Variants in TLR9 observed in about 807,000 individuals in gnomAD.
TLR9 encodes the protein toll like receptor 9.
In TLR9, 19 loss-of-function variants were observed where a neutral mutation model predicts 24.6. The ratio of observed to expected loss-of-function variants is 0.77; its 90% CI spans 0.54 to 1.13. TLR9 has a LOEUF of 1.13. Among genes scored for constraint, TLR9 ranks in the 50% most tolerant of loss-of-function variants. The pLI is 0.00. For synonymous variants in TLR9, 579 were observed against 609.8 expected, an observed-to-expected ratio of 0.95 and a Z score of 0.74; for missense variants, 1,065 against 1,379.6, an observed-to-expected ratio of 0.77 and a Z score of 3.61.
intron 1 of TLR9, among the ~76,000 whole-genome samples, chr3:52,224,625 C>G (rs914546127): frequency 6.6e-6 from 1 of 152,138 alleles, no homozygotes; most frequent in Non-Finnish European, 1.5e-5. Flanking sequence ...CCCACGGCCC[C>G]CCCTGGTCTC....
rs202108674 is a variant in TLR9, at chr3:52,224,277, G to C, written c.39C>G (p.Leu13=). 16 of 1,607,582 alleles carry C rather than the reference G, an allele frequency of 1.0e-5. No homozygotes were observed. Among genetic ancestry groups the C allele is most frequent in the Non-Finnish European group, 1.3e-5 (15 of 1,177,000 alleles). Residue 13 remains leucine (L), a synonymous_variant, in exon 2 of 2, where the codon CTC becomes CTG. Coordinates refer to ENST00000360658, the MANE Select transcript of TLR9 (RefSeq NM_017442.4). ...TGGCCAGCATGATGGCCTGCACCAG[G>C]AGAGACAGCGGGTGCAGGGCGCTGC... ...FCRSALHPLS[L]LVQAIMLAMT...
Position 52,225,624 on chromosome 3 carries a change from G to C in TLR9, c.-95C>G. ...TCACACTCGAGGTCCCTTCCCACAG[G>C]GGCAGCAGCGGCTCAGAGAATAGAG... On this transcript the variant is annotated 5_prime_UTR_variant, in exon 1 of 2. Transcript: ENST00000360658. 6.6e-7 allele frequency: 1 copy of C among 1,526,310 alleles called. No individual in the cohort carries two copies. Among genetic ancestry groups the C allele is most frequent in the South Asian group, 1.2e-5 (1 of 85,058 alleles). 94.5% of individuals were successfully genotyped at this position (1,526,310 alleles called of 1,614,324 possible). A position where few individuals can be genotyped will look rare whatever the true frequency, so the allele number is the denominator to read the frequency against.
chr3:52,225,439 C>G, intron 1 of TLR9, 88 bp downstream of exon 1: 1 of 1,576,692 alleles, frequency 6.3e-7, no homozygotes, highest in South Asian at 1.1e-5. Flanking sequence ...CAACCCGTCA[C>G]TGTTGCTTGC....
chr3:52,224,711 C>G (rs1037343604), intron 1 of TLR9, among the ~76,000 whole-genome samples: 2 of 152,200 alleles, frequency 1.3e-5, no homozygotes, highest in African/African-American at 4.8e-5. Flanking sequence ...GAAATCCGCT[C>G]TCTGCCCTCC....
chr3:52,221,504 C>G lies in TLR9; in HGVS notation c.2812G>C (p.Ala938Pro). 1 of 1,613,068 alleles carries G rather than the reference C, an allele frequency of 6.2e-7. No homozygotes were observed. Among genetic ancestry groups the G allele is most frequent in the Admixed American group, 1.7e-5 (1 of 60,028 alleles). ...AGACCACTGACCCGGTCCGTGTGGG[C>G]CAGCACAAACAGCGTCTTGCGGCTG... is the stretch of plus-strand genomic sequence containing the variant. ...YGSRKTLFVLAHTDRVSGLLR... is the reference protein window; with the variant it reads ...YGSRKTLFVLPHTDRVSGLLR... The change falls in exon 2 of 2, where the codon GCC (alanine) becomes CCC (proline). Residue 938 changes from alanine to proline, a missense_variant. Coordinates refer to ENST00000360658, the MANE Select transcript of TLR9 (RefSeq NM_017442.4). The surrounding 1 kb of genome is among the most constrained non-coding windows in gnomAD (Gnocchi z 9.9).
chr3:52,225,586 A>T lies in TLR9; in HGVS notation c.-57T>A. 1 of 1,571,348 alleles carries T rather than the reference A, an allele frequency of 6.4e-7. No individual in the cohort carries two copies. Among genetic ancestry groups the T allele is most frequent in the Non-Finnish European group, 8.6e-7 (1 of 1,165,070 alleles). ...GGCGGGCAGACTGGACAGCAGCTACAGGGAAGGATGCTTCACACTCGAGGT... is the reference window on the plus strand; with the variant it reads ...GGCGGGCAGACTGGACAGCAGCTACTGGGAAGGATGCTTCACACTCGAGGT... On this transcript the variant is annotated 5_prime_UTR_variant, in exon 1 of 2. Coordinates refer to ENST00000360658, the MANE Select transcript of TLR9 (RefSeq NM_017442.4).
In TLR9 at chr3:52,223,655, T is replaced by G. The variant is rs769795689; in HGVS notation, c.661A>C (p.Ser221Arg). 1 of 1,591,208 alleles carries G rather than the reference T, an allele frequency of 6.3e-7. No individual in the cohort carries two copies. The highest frequency in any genetic ancestry group is 2.2e-5 in the East Asian group (1 of 44,650). The change falls in exon 2 of 2, where the codon AGC (serine) becomes CGC (arginine). Residue 221 changes from serine to arginine, a missense_variant. By Grantham distance (110) the Ser-to-Arg change is moderately radical (BLOSUM62 -1). Coordinates refer to ENST00000360658, the MANE Select transcript of TLR9 (RefSeq NM_017442.4). The stretch of plus-strand genomic sequence containing the variant: ...TAGGACAACAGCAGATACTCCAGGC[T>G]GGAAGGCAGGTTGCGGGGCACCACA... ...LTVVPRNLPSSLEYLLLSYNR... is the reference protein window; with the variant it reads ...LTVVPRNLPSRLEYLLLSYNR...
In TLR9 at chr3:52,222,001, TC is replaced by T; in HGVS notation, c.2314del (p.Asp772ThrfsTer17). 1 of 1,607,860 alleles carries T rather than the reference TC, an allele frequency of 6.2e-7. No homozygotes were observed. The highest frequency in any genetic ancestry group is 8.5e-7 in the Non-Finnish European group (1 of 1,176,954). ...LHCACGAAFM[D>X]FLLEVQAAVP... ...GGCAGCCTGCACCTCCAGCAGGAAG[TC>T]CATAAAGGCCGCCCCACAGGCGCAG... On this transcript the variant is annotated frameshift_variant, in exon 2 of 2. Coordinates refer to ENST00000360658, the MANE Select transcript of TLR9 (RefSeq NM_017442.4). LOFTEE classifies it high-confidence loss of function.
rs774632252 is a variant in TLR9 at position 52,223,591 on chromosome 3, T to A, written c.725A>T (p.Asn242Ile). ...ATCGAGCACACGCAGGGCGGTCAGATTGGCCAGGTCCTCAGGCGCCAGTTT... is the reference window on the plus strand; with the variant it reads ...ATCGAGCACACGCAGGGCGGTCAGAATGGCCAGGTCCTCAGGCGCCAGTTT... ...IVKLAPEDLA[N>I]LTALRVLDVG... Residue 242 changes from asparagine (N) to isoleucine (I), a missense_variant, in exon 2 of 2, where the codon AAT (asparagine) becomes ATT (isoleucine). Asn to Ile is a moderately radical substitution (Grantham distance 149, BLOSUM62 -3). Transcript: ENST00000360658. 6.5e-7 allele frequency: 1 copy of A among 1,541,844 alleles called. No homozygotes were observed. Among genetic ancestry groups the A allele is most frequent in the South Asian group, 1.3e-5 (1 of 78,904 alleles).
rs148303873 is a variant in TLR9 at position 52,221,731 on chromosome 3, C to T, written c.2585G>A (p.Gly862Glu). ...AWLPWRGRQSGRDEDALPYDA... is the reference protein window; with the variant it reads ...AWLPWRGRQSERDEDALPYDA... ...GTAGGGCAGGGCATCCTCATCTCGCCCACTTTGCCGCCCCCGCCAGGGAAG... is the reference window on the plus strand; with the variant it reads ...GTAGGGCAGGGCATCCTCATCTCGCTCACTTTGCCGCCCCCGCCAGGGAAG... The change falls in exon 2 of 2, where the codon GGG (glycine) becomes GAG (glutamate). Residue 862 changes from glycine (G) to glutamate (E), a missense_variant. By Grantham distance (98) the Gly-to-Glu change is moderately conservative (BLOSUM62 -2). Coordinates refer to ENST00000360658, the MANE Select transcript of TLR9 (RefSeq NM_017442.4). The surrounding 1 kb of genome is among the most constrained non-coding windows in gnomAD (Gnocchi z 9.9). 393 of 1,613,942 alleles carry T rather than the reference C, an allele frequency of 2.4e-4. No individual in the cohort carries two copies. The African/African-American group carries it at 3.9e-3, about 16-fold the overall frequency.
In TLR9 at chr3:52,222,938, T is replaced by C. The variant is rs1699577999; in HGVS notation, c.1378A>G (p.Thr460Ala). 6.3e-7 allele frequency: 1 copy of C among 1,599,672 alleles called. No individual in the cohort carries two copies. Among genetic ancestry groups the C allele is most frequent in the Non-Finnish European group, 8.5e-7 (1 of 1,170,064 alleles). Residue 460 changes from threonine (T) to alanine (A), a missense_variant, in exon 2 of 2, where the codon ACT becomes GCT. Coordinates refer to ENST00000360658, the MANE Select transcript of TLR9 (RefSeq NM_017442.4). The stretch of plus-strand genomic sequence containing the variant: ...GGCCTGAAGTCTTCAGAGCTGGGAG[T>C]GTCCACTGGGGCCGGAGCAAGGTCC... ...PGDLAPAPVD[T>A]PSSEDFRPNC...
At position 52,222,899 on chromosome 3, in the gene TLR9, G is replaced by A. The variant is rs200116400; in HGVS notation, c.1417C>T (p.Leu473Phe). The A allele has an allele frequency of 1.4e-5, 22 of 1,605,200 alleles. No individual in the cohort carries two copies. Among genetic ancestry groups the A allele is most frequent in the Non-Finnish European group, 1.9e-5 (22 of 1,173,226 alleles). Residue 473 changes from leucine (L) to phenylalanine (F), a missense_variant, in exon 2 of 2, where the codon CTC becomes TTC. Leu to Phe is a conservative substitution (Grantham distance 22). Coordinates refer to ENST00000360658, the MANE Select transcript of TLR9 (RefSeq NM_017442.4). ...CGTGACAGATCCAAGGTGAAGTTGA[G>A]GGTGCTGCAGTTGGGCCTGAAGTCT... ...SEDFRPNCST[L>F]NFTLDLSRNN...
rs1170070400 is a variant in TLR9, at chr3:52,222,354, G to A, written c.1962C>T (p.Ser654=). 6.2e-7 allele frequency: 1 copy of A among 1,614,232 alleles called. No homozygotes were observed. The highest frequency in any genetic ancestry group is 1.1e-5 in the South Asian group (1 of 91,090). Residue 654 remains serine, a synonymous_variant, in exon 2 of 2, where the codon AGC becomes AGT. Coordinates refer to ENST00000360658, the MANE Select transcript of TLR9 (RefSeq NM_017442.4). ...LPQTLRNLPK[S]LQVLRLRDNY... ...TGTCACGGAGACGCAGCACCTGTAGGCTCTTGGGGAGGTTGCGCAGGGTTT... is the reference window on the plus strand; with the variant it reads ...TGTCACGGAGACGCAGCACCTGTAGACTCTTGGGGAGGTTGCGCAGGGTTT...
rs560005966 is a variant in TLR9, at chr3:52,225,607, G to C, written c.-78C>G. 2 of 1,564,476 alleles carry C rather than the reference G, an allele frequency of 1.3e-6. No homozygotes were observed. Among genetic ancestry groups the C allele is most frequent in the Non-Finnish European group, 1.7e-6 (2 of 1,157,348 alleles). ...CTACAGGGAAGGATGCTTCACACTC[G>C]AGGTCCCTTCCCACAGGGGCAGCAG... On this transcript the variant is annotated 5_prime_UTR_variant, in exon 1 of 2. Coordinates refer to ENST00000360658, the MANE Select transcript of TLR9 (RefSeq NM_017442.4).
In TLR9 at chr3:52,221,246, T is replaced by C; in HGVS notation, c.3070A>G (p.Asn1024Asp). ...TRDNHHFYNR[N>D]FCQGPTAE is the part of the protein sequence containing the mutation. Reference sequence around the variant, plus strand: ...TCGGCCGTGGGTCCCTGGCAGAAGTTCCGGTTATAGAAGTGGTGGTTGTCC... The same window carrying C: ...TCGGCCGTGGGTCCCTGGCAGAAGTCCCGGTTATAGAAGTGGTGGTTGTCC... Residue 1024 changes from asparagine (N) to aspartate (D), a missense_variant, in exon 2 of 2, where the codon AAC becomes GAC. Coordinates refer to ENST00000360658, the MANE Select transcript of TLR9 (RefSeq NM_017442.4). This position sits in a 1 kb window ranked among gnomAD's most constrained non-coding sequence, Gnocchi z 9.9. The C allele has an allele frequency of 1.3e-6, 2 of 1,513,704 alleles. No homozygotes were observed. The highest frequency in any genetic ancestry group is 1.8e-6 in the Non-Finnish European group (2 of 1,131,474). 93.8% of individuals were successfully genotyped at this position (1,513,704 alleles called of 1,614,324 possible).
intron 1 of TLR9, among the ~76,000 whole-genome samples, 179 bp downstream of exon 1, chr3:52,225,343 CAAAAA>C (rs981581476): frequency 9.8e-6 from 1 of 101,712 alleles, no homozygotes. Flanking sequence ...AACTCCGTCT[CAAAAA>C]AAAAAAAAAA....
In TLR9 at chr3:52,224,054, T is replaced by G. The variant is rs759389903; in HGVS notation, c.262A>C (p.Ser88Arg). 4 of 1,573,066 alleles carry G rather than the reference T, an allele frequency of 2.5e-6. No individual in the cohort carries two copies. The change falls in exon 2 of 2, where the codon AGC (serine) becomes CGC (arginine). Residue 88 changes from serine (S) to arginine (R), a missense_variant. Transcript: ENST00000360658. Reference sequence around the variant, plus strand: ...CACTTGAGGTTGAGATGCCGCAGGCTGGGCAGGTGGGCAAAGTCAGAATCA... The same window carrying G: ...CACTTGAGGTTGAGATGCCGCAGGCGGGGCAGGTGGGCAAAGTCAGAATCA... ...LHDSDFAHLPSLRHLNLKWNC... is the reference protein window; with the variant it reads ...LHDSDFAHLPRLRHLNLKWNC...
intron 1 of TLR9, 123 bp downstream of exon 1, chr3:52,225,402 TGA>T (rs1699610526): frequency 8.3e-7 from 1 of 1,210,674 alleles, no homozygotes; most frequent in South Asian, 1.4e-5. Context: ...CAGGATTCAG[TGA>T]GTGTCCCCAG....
Position 52,223,633 on chromosome 3 carries a change from G to T in TLR9, c.683C>A (p.Ser228Tyr). 1 of 1,573,202 alleles carries T rather than the reference G, an allele frequency of 6.4e-7. No individual in the cohort carries two copies. The highest frequency in any genetic ancestry group is 8.6e-7 in the Non-Finnish European group (1 of 1,159,458). Residue 228 changes from serine (S) to tyrosine (Y), a missense_variant, in exon 2 of 2, where the codon TCC (serine) becomes TAC (tyrosine). By Grantham distance (144) the Ser-to-Tyr change is moderately radical. Transcript: ENST00000360658. ...CGCCAGTTTGACGATGCGGTTGTAG[G>T]ACAACAGCAGATACTCCAGGCTGGA... ...LPSSLEYLLLSYNRIVKLAPE... is the reference protein window; with the variant it reads ...LPSSLEYLLLYYNRIVKLAPE...
Sources: gnomAD v4.1 joint callset for allele counts (sites outside exome capture counted in the v4.1 genomes callset) on GRCh38, gnomAD v4.1.1 for gene constraint, Gnocchi (gnomAD v3.1) non-coding constraint, MANE v1.5 for transcripts, NCBI Gene and HGNC (gene_info 2026-07-23, HGNC 2026-07-21) for gene names.